DEGS2: variants seen among roughly 807,000 people sequenced by gnomAD.
DEGS2 encodes delta 4-desaturase, sphingolipid 2, also known as sphingolipid delta(4)-desaturase/C4-monooxygenase DES2.
DEGS2 carries 19 observed loss-of-function variants against 23.8 expected under a neutral mutation model. That is an observed-to-expected ratio of 0.80 (90% CI 0.56 to 1.17). The LOEUF is 1.17. Among genes scored for constraint, DEGS2 ranks in the 50% most tolerant of loss-of-function variants. DEGS2 has a pLI of 0.00. For missense variants in DEGS2, 390 were observed against 459.5 expected, an observed-to-expected ratio of 0.85 and a Z score of 1.38; for synonymous variants, 218 against 213.7, an observed-to-expected ratio of 1.02 and a Z score of -0.18.
chr14:100,161,899 G>A (rs549063403), upstream of DEGS2, among the ~76,000 whole-genome samples: 2 of 151,696 alleles, frequency 1.3e-5, no homozygotes, highest in African/African-American at 2.4e-5. Context: ...GTGAAATCCC[G>A]TCTCTACTAA....
intron 1 of DEGS2, among the ~76,000 whole-genome samples, chr14:100,158,319 G>A (rs566480965): frequency 8.5e-5 from 13 of 152,174 alleles, no homozygotes; most frequent in African/African-American, 2.6e-4. Flanking sequence ...GCTGAGGTAG[G>A]AGGATCAGTT....
rs751590400 is a variant in DEGS2 at position 100,149,028 on chromosome 14, A to G, written c.765T>C (p.Asn255=). 1.9e-6 allele frequency: 3 copies of G among 1,612,848 alleles called. No homozygotes were observed. The South Asian group carries it at 3.3e-5, about 18-fold the overall frequency. The change falls in exon 2 of 3, where the codon AAT becomes AAC. Residue 255 remains asparagine, a synonymous_variant. Coordinates refer to ENST00000305631, the MANE Select transcript of DEGS2 (RefSeq NM_206918.3). ...YYGPLNWITF[N]VGYHVEHHDF... is the part of the protein sequence containing the mutation. ...CGTGGTGCTCCACGTGGTAGCCCACATTGAAGGTGATCCAGTTGAGAGGCC... is the reference window on the plus strand; with the variant it reads ...CGTGGTGCTCCACGTGGTAGCCCACGTTGAAGGTGATCCAGTTGAGAGGCC...
chr14:100,162,070 G>A (rs1190098045), upstream of DEGS2, among the ~76,000 whole-genome samples: 4 of 150,066 alleles, frequency 2.7e-5, no homozygotes, highest in South Asian at 4.2e-4. Context: ...TAAATAGGCC[G>A]GGCACGGTGG....
intron 1 of DEGS2, among the ~76,000 whole-genome samples, chr14:100,153,568 G>A (rs1294147186): frequency 6.6e-6 from 1 of 152,170 alleles, no homozygotes; most frequent in East Asian, 1.9e-4. Flanking sequence ...ATGGGCTCTG[G>A]CTAGACACCC....
chr14:100,148,915 C>T, intron 2 of DEGS2, 53 bp downstream of exon 2: 2 of 1,567,000 alleles, frequency 1.3e-6, no homozygotes, highest in Non-Finnish European at 1.7e-6. Flanking sequence ...CCCACCTCCT[C>T]CGATGGCTGT....
chr14:100,146,582 A>T lies in DEGS2; in HGVS notation c.*179T>A. ...CACACTCAAGGTCCAGGGCAAGTCCACGTGCAGACGGAGCCCTGCAGCCCA... is the reference window on the plus strand; with the variant it reads ...CACACTCAAGGTCCAGGGCAAGTCCTCGTGCAGACGGAGCCCTGCAGCCCA... On this transcript the variant is annotated 3_prime_UTR_variant, in exon 3 of 3. Coordinates refer to ENST00000305631, the MANE Select transcript of DEGS2 (RefSeq NM_206918.3). 1 of 859,060 alleles carries T rather than the reference A, an allele frequency of 1.2e-6. No homozygotes were observed. The highest frequency in any genetic ancestry group is 1.8e-6 in the Non-Finnish European group (1 of 566,066). The allele number at this position is 859,060 out of a possible 1,614,324, so 53.2% of individuals were successfully genotyped here. A position where few individuals can be genotyped will look rare whatever the true frequency, so the allele number is the denominator to read the frequency against.
the DEGS2 span, among the ~76,000 whole-genome samples, chr14:100,166,378 G>GGGAGGCTGCCCGGGGCTGTGGA: frequency 2.1e-5 from 3 of 140,384 alleles, no homozygotes; most frequent in Admixed American, 6.9e-5. Context: ...GGGGCTGTGG[G>GGGAGGCTGCCCGGGGCTGTGGA]GGAGGCTGCT....
At position 100,146,794 on chromosome 14, in the gene DEGS2, C is replaced by A. The variant is rs777123175; in HGVS notation, c.939G>T (p.Lys313Asn). 6.2e-7 allele frequency: 1 copy of A among 1,613,848 alleles called. No individual in the cohort carries two copies. The highest frequency in any genetic ancestry group is 2.2e-5 in the East Asian group (1 of 44,872). Residue 313 changes from lysine (K) to asparagine (N), a missense_variant, in exon 3 of 3, where the codon AAG becomes AAT. By Grantham distance (94) the Lys-to-Asn change is moderately conservative (BLOSUM62 0). Transcript: ENST00000305631. The part of the protein sequence containing the change: ...EDSLGPYARV[K>N]RVYRLAKDGL ...CATCTTTTGCCAGCCTGTACACCCG[C>A]TTCACCCTGGCATAGGGCCCCAGGG... is the stretch of plus-strand genomic sequence containing the variant.
chr14:100,166,788 T>C, the DEGS2 span, among the ~76,000 whole-genome samples: 2 of 152,084 alleles, frequency 1.3e-5, no homozygotes, highest in Non-Finnish European at 2.9e-5. Flanking sequence ...GGAAAAATGT[T>C]ACCCACCTCG....
intron 1 of DEGS2, 67 bp from the exon 2 acceptor site, chr14:100,149,777 C>T (rs1333411185): frequency 1.3e-6 from 2 of 1,490,468 alleles, no homozygotes; most frequent in Non-Finnish European, 1.8e-6. Context: ...CCTCCGCTCC[C>T]ACTGCAGTGG....
chr14:100,153,252 C>CAGATAGAT (rs61183768), intron 1 of DEGS2, among the ~76,000 whole-genome samples: 2,868 of 147,516 alleles, frequency 0.019, 32 homozygotes, highest in Middle Eastern at 0.028. Flanking sequence ...ATGGCAAAAA[C>CAGATAGAT]AGATAGATAG....
At chr14:100,165,078 G>A in the DEGS2 span, among the ~76,000 whole-genome samples, 2 of 152,144 alleles carry the variant, frequency 1.3e-5, no homozygotes, top group East Asian at 3.9e-4. Flanking sequence ...GCTGACCCTA[G>A]AGAGGCTGCC....
chr14:100,163,086 G>T (rs543713510), upstream of DEGS2, among the ~76,000 whole-genome samples: 26 of 152,350 alleles, frequency 1.7e-4, no homozygotes, highest in African/African-American at 5.5e-4. Context: ...ACTCGATGGA[G>T]GAGTGAGAGC....
At chr14:100,147,551 G>A (rs928304692) in intron 2 of DEGS2, among the ~76,000 whole-genome samples, 4 of 151,800 alleles carry the variant, frequency 2.6e-5, no homozygotes, top group African/African-American at 9.7e-5. Flanking sequence ...ACTTCCTCCA[G>A]GAAGTGCTCC....
chr14:100,165,620 G>C, the DEGS2 span, among the ~76,000 whole-genome samples: 1 of 152,190 alleles, frequency 6.6e-6, no homozygotes, highest in South Asian at 2.1e-4. Flanking sequence ...GCCGCCTGGT[G>C]CTGCTGCTGT....
In DEGS2 at chr14:100,159,588, G is replaced by A. The variant is rs1435681481; in HGVS notation, c.-1C>T. The A allele has an allele frequency of 1.1e-5, 16 of 1,490,536 alleles. No individual in the cohort carries two copies. Among genetic ancestry groups the A allele is most frequent in the Non-Finnish European group, 1.2e-5 (14 of 1,121,898 alleles). The allele number at this position is 1,490,536 out of a possible 1,614,324, so 92.3% of individuals were successfully genotyped here. A position where few individuals can be genotyped will look rare whatever the true frequency, so the allele number is the denominator to read the frequency against. On this transcript the variant is annotated 5_prime_UTR_variant, in exon 1 of 3. Coordinates refer to ENST00000305631, the MANE Select transcript of DEGS2 (RefSeq NM_206918.3). ...CGCTGCGGCTCGCGCTGTTGCCCAT[G>A]GTGGGGCGGGAGGCGCCGTTCGGAG...
intron 1 of DEGS2, among the ~76,000 whole-genome samples, chr14:100,156,427 C>T (rs1889659356): frequency 6.6e-6 from 1 of 152,228 alleles, no homozygotes; most frequent in Admixed American, 6.5e-5. Context: ...TCATTATCAT[C>T]GCAGCTGATA....
chr14:100,160,002 C>T (rs933528343), upstream of DEGS2: 67 of 154,462 alleles, frequency 4.3e-4, no homozygotes, highest in African/African-American at 1.6e-3. Context: ...AGCCCCGACC[C>T]GCTCGCGGGC....
At chr14:100,160,580 G>A (rs1889734726), upstream of DEGS2, among the ~76,000 whole-genome samples, 1 of 152,208 alleles carries the variant, frequency 6.6e-6, no homozygotes, top group South Asian at 2.1e-4. Flanking sequence ...TGGAGTTTTG[G>A]AGGGTGGACC....
Sources: allele counts gnomAD v4.1 joint callset (sites outside exome capture counted in the v4.1 genomes callset), GRCh38; gene constraint gnomAD v4.1.1; transcripts MANE v1.5; gene names NCBI Gene and HGNC (gene_info 2026-07-23, HGNC 2026-07-21).